The following TRPM3 variants were observed in gnomAD, a reference collection of about 807,000 sequenced individuals.
The protein encoded by TRPM3 is long transient receptor potential channel 3.
TRPM3 carries 77 observed loss-of-function variants against 181.2 expected under a neutral mutation model. That is an observed-to-expected ratio of 0.42 (90% CI 0.35 to 0.51). The LOEUF is 0.51. Ranked by LOEUF, TRPM3 falls within the 20% of genes least tolerant of loss-of-function variation. The pLI, the probability that TRPM3 is intolerant of heterozygous loss-of-function variation, is 0.01. For synonymous variants in TRPM3, 745 were observed against 796.4 expected, an observed-to-expected ratio of 0.94 and a Z score of 1.09; for missense variants, 1,759 against 2,196.7, an observed-to-expected ratio of 0.80 and a Z score of 3.98.
chr9:71,086,096 A>G (rs1448189547), intron 1 of TRPM3, among the ~76,000 whole-genome samples: 1 of 152,020 alleles, frequency 6.6e-6, no homozygotes, highest in Admixed American at 6.6e-5. Flanking sequence ...TGAATGCAGG[A>G]ACAGAAAACC....
At chr9:70,810,700 T>C (rs940422272) in intron 6 of TRPM3, among the ~76,000 whole-genome samples, 32 of 152,098 alleles carry the variant, frequency 2.1e-4, no homozygotes, top group African/African-American at 7.7e-4. Flanking sequence ...GAGATAATGC[T>C]TCCATGTGTA....
Position 70,944,614 on chromosome 9 carries a change from T to A in TRPM3, c.178-80103A>T, listed in dbSNP as rs145704327. On this transcript the variant is annotated intron_variant, in intron 1 of 25. Transcript: ENST00000677713. ...ATGGGCAAAGAGTGGACCATAATACTATTTGAAACCAATTCAAAATCCTCC... is the reference window on the plus strand; with the variant it reads ...ATGGGCAAAGAGTGGACCATAATACAATTTGAAACCAATTCAAAATCCTCC... 9.2e-5 allele frequency among the ~76,000 whole-genome samples: 14 copies of A among 152,320 alleles called. No individual in the cohort carries two copies. In the East Asian group the frequency reaches 2.7e-3, roughly 29 times the overall value.
At chr9:71,045,794 C>A (rs924791895) in intron 1 of TRPM3, among the ~76,000 whole-genome samples, 9 of 152,082 alleles carry the variant, frequency 5.9e-5, no homozygotes, top group Non-Finnish European at 1.2e-4. Context: ...CAGAGTTTAG[C>A]GTACTATGTA....
Position 71,129,970 on chromosome 9 carries a change from T to C in TRPM3, c.184-265459A>G, listed in dbSNP as rs2074271317. 1.3e-5 allele frequency among the ~76,000 whole-genome samples: 2 copies of C among 152,196 alleles called. 1 individual carries two copies. The highest frequency in any genetic ancestry group is 4.1e-4 in the South Asian group (2 of 4,832). ...TTGGTATGCTCAATATATAACACAA[T>C]GCCTGAAACACAGTATTTATTAAAT... On this transcript the variant is annotated intron_variant, in intron 1 of 24. Transcript: ENST00000357533.
chr9:71,194,179 A>G (rs2078199313), intron 1 of TRPM3, among the ~76,000 whole-genome samples: 1 of 151,934 alleles, frequency 6.6e-6, no homozygotes, highest in African/African-American at 2.4e-5. Flanking sequence ...ATTATAGATC[A>G]CAGAAATTTT....
Position 70,598,766 on chromosome 9 carries a change from C to T in TRPM3, c.2797-96G>A, listed in dbSNP as rs76029326. On this transcript the variant is annotated intron_variant, in intron 20 of 25. Transcript: ENST00000677713. ...TTGGTCTGTTGGCTGATGTTAGTAG[C>T]TTGCTTTGTCTACCTATATCTACTT... 8.5e-4 allele frequency: 1,217 copies of T among 1,434,016 alleles called. 10 individuals are homozygous for T. In the African/African-American group the frequency reaches 0.016, roughly 19 times the overall value. 88.8% of individuals were successfully genotyped at this position (1,434,016 alleles called of 1,614,324 possible). A position where few individuals can be genotyped will look rare whatever the true frequency, so the allele number is the denominator to read the frequency against.
At chr9:71,201,903 C>G (rs541234263) in intron 1 of TRPM3, among the ~76,000 whole-genome samples, 1 of 152,344 alleles carries the variant, frequency 6.6e-6, no homozygotes, top group Admixed American at 6.5e-5. Context: ...AGGAGAGGCA[C>G]TCTGCTTTTT....
intron 8 of TRPM3, among the ~76,000 whole-genome samples, chr9:70,699,006 A>G (rs144807178): frequency 1.3e-5 from 2 of 152,322 alleles, no homozygotes; most frequent in African/African-American, 2.4e-5. Flanking sequence ...GCAAGAACGA[A>G]CTAATACACA....
At chr9:71,333,562 G>C (rs1347839147) in intron 1 of TRPM3, among the ~76,000 whole-genome samples, 4 of 151,958 alleles carry the variant, frequency 2.6e-5, no homozygotes, top group Non-Finnish European at 5.9e-5. Context: ...CTGTGAGAAA[G>C]AACTGAGGAA....
At position 70,536,722 on chromosome 9, in the gene TRPM3, T is replaced by C. The variant is rs768182281; in HGVS notation, c.4391A>G (p.Asp1464Gly). ...SSAYATLAPTDRPPSRSIDFE... is the reference protein window; with the variant it reads ...SSAYATLAPTGRPPSRSIDFE... ...ATCAATGCTCCGGCTTGGAGGTCTG[T>C]CTGTGGGTGCAAGTGTTGCATAGGC... The change falls in exon 26 of 26, where the codon GAC becomes GGC. Residue 1464 changes from aspartate (D) to glycine (G), a missense_variant. By Grantham distance (94) the Asp-to-Gly change is moderately conservative. Coordinates refer to ENST00000677713, the MANE Select transcript of TRPM3 (RefSeq NM_001366145.2). 20 of 1,614,004 alleles carry C rather than the reference T, an allele frequency of 1.2e-5. No individual in the cohort carries two copies. The highest frequency in any genetic ancestry group is 2.7e-5 in the African/African-American group (2 of 74,890).
chr9:70,841,191 A>C (rs1291591141), intron 5 of TRPM3, among the ~76,000 whole-genome samples: 2 of 152,150 alleles, frequency 1.3e-5, no homozygotes, highest in Non-Finnish European at 2.9e-5. Context: ...CCCCAAATAT[A>C]TTACATGAAA....
chr9:70,837,661 G>T (rs2131886062), intron 5 of TRPM3, among the ~76,000 whole-genome samples: 1 of 152,266 alleles, frequency 6.6e-6, no homozygotes, highest in East Asian at 1.9e-4. Flanking sequence ...AATTCAAACT[G>T]TGTCATATGA....
chr9:70,611,950 C>G (rs2062055887), intron 18 of TRPM3, among the ~76,000 whole-genome samples: 1 of 152,196 alleles, frequency 6.6e-6, no homozygotes. Context: ...GAGACTGAAT[C>G]CTAACTCAGA....
chr9:70,762,565 A>G (rs1270664520), intron 7 of TRPM3, among the ~76,000 whole-genome samples: 1 of 152,232 alleles, frequency 6.6e-6, no homozygotes, highest in African/African-American at 2.4e-5. Context: ...CAGGAAGACA[A>G]AACTGCTCTC....
At chr9:71,281,888 C>T (rs7869338) in intron 1 of TRPM3, among the ~76,000 whole-genome samples, 13 of 151,918 alleles carry the variant, frequency 8.6e-5, no homozygotes, top group African/African-American at 3.1e-4. Context: ...ATGGAGAAAC[C>T]CCGTCTCTAC....
At chr9:70,766,549 A>T (rs2079168133) in intron 7 of TRPM3, among the ~76,000 whole-genome samples, 1 of 152,202 alleles carries the variant, frequency 6.6e-6, no homozygotes, top group African/African-American at 2.4e-5. Context: ...TAAAAGACAC[A>T]ATCACCCACA....
chr9:71,367,137 T>C (rs2092361433), intron 1 of TRPM3, among the ~76,000 whole-genome samples: 1 of 152,136 alleles, frequency 6.6e-6, no homozygotes, highest in Non-Finnish European at 1.5e-5. Flanking sequence ...TTCCTTAAAA[T>C]AAGAGTCTGA....
intron 1 of TRPM3, among the ~76,000 whole-genome samples, chr9:71,058,149 A>G (rs2060882330): frequency 6.6e-6 from 1 of 152,078 alleles, no homozygotes; most frequent in Non-Finnish European, 1.5e-5. Flanking sequence ...TTCCCGAATA[A>G]TATTAGATAC....
chr9:71,131,872 TAACTC>T lies in TRPM3; in HGVS notation c.184-267366_184-267362del, dbSNP rs527479485. Among the ~76,000 whole-genome samples, 12 of 152,198 alleles carry T rather than the reference TAACTC, an allele frequency of 7.9e-5. No individual in the cohort carries two copies. The South Asian group carries it at 1.9e-3, about 24-fold the overall frequency. On this transcript the variant is annotated intron_variant, in intron 1 of 24. Coordinates refer to the TRPM3 transcript ENST00000357533. ...AGGTATCAAAAATTCAATCTGAAAATAACTCAAGCTAGAGAATTCAATTGCCACTC... is the reference window on the plus strand; with the variant it reads ...AGGTATCAAAAATTCAATCTGAAAATAAGCTAGAGAATTCAATTGCCACTC...
Sources: gnomAD v4.1 joint callset for allele counts (sites outside exome capture counted in the v4.1 genomes callset) on GRCh38, gnomAD v4.1.1 for gene constraint, MANE v1.5 for transcripts, NCBI Gene and HGNC (gene_info 2026-07-23, HGNC 2026-07-21) for gene names.